The following CAT variants were observed in gnomAD, a reference collection of about 807,000 sequenced individuals.
The protein encoded by CAT is epididymis secretory sperm binding protein.
Under a neutral mutation model 59.0 loss-of-function variants are expected in CAT, and 43 were observed. The observed-to-expected ratio is 0.73, with a 90% CI of 0.57 to 0.94. The LOEUF (loss-of-function observed/expected upper bound fraction) is 0.94, where lower values mean the gene tolerates loss of function less well. CAT is among the 40% of genes least tolerant of loss of function. CAT has a pLI of 0.00. For missense variants in CAT, 664 were observed against 682.9 expected, an observed-to-expected ratio of 0.97 and a Z score of 0.31; for synonymous variants, 218 against 230.9, an observed-to-expected ratio of 0.94 and a Z score of 0.51.
rs1590312178 is a variant in CAT, at chr11:34,471,560, A to T, written c.*127A>T. ...TAGTGGCTTCAAAATAGAGAATCCCACTTTCTATAGCAGATTGTGTAACAA... is the reference window on the plus strand; with the variant it reads ...TAGTGGCTTCAAAATAGAGAATCCCTCTTTCTATAGCAGATTGTGTAACAA... On this transcript the variant is annotated 3_prime_UTR_variant, in exon 13 of 13. Coordinates refer to ENST00000241052, the MANE Select transcript of CAT (RefSeq NM_001752.4). The T allele has an allele frequency of 1.3e-6, 1 of 775,670 alleles. No individual in the cohort carries two copies. The highest frequency in any genetic ancestry group is 2.5e-5 in the East Asian group (1 of 39,544). The allele number at this position is 775,670 out of a possible 1,614,324, so 48.0% of individuals were successfully genotyped here. A position where few individuals can be genotyped will look rare whatever the true frequency, so the allele number is the denominator to read the frequency against.
At chr11:34,441,650 C>T (rs1253788881) in intron 1 of CAT, among the ~76,000 whole-genome samples, 2 of 151,978 alleles carry the variant, frequency 1.3e-5, no homozygotes, top group African/African-American at 4.8e-5. Context: ...AAGAAGTAGC[C>T]AGACATGGTG....
At chr11:34,452,664 G>A (rs917823900) in intron 4 of CAT, among the ~76,000 whole-genome samples, 3 of 151,826 alleles carry the variant, frequency 2.0e-5, no homozygotes, top group Non-Finnish European at 4.4e-5. Context: ...GACCAGCCTG[G>A]GCAACATGGC....
intron 8 of CAT, chr11:34,457,077 TA>T (rs72365439): frequency 0.015 from 6,083 of 409,380 alleles, no homozygotes; most frequent in Middle Eastern, 0.02. Context: ...CTCTCTTAAT[TA>T]AAAAAAAAAG....
In CAT at chr11:34,444,335, A is replaced by C. The variant is rs151070382; in HGVS notation, c.67-4857A>C. Among the ~76,000 whole-genome samples the C allele has an allele frequency of 2.1e-3, 314 of 152,330 alleles. 2 individuals carry two copies. Among genetic ancestry groups the C allele is most frequent in the African/African-American group, 7.0e-3 (289 of 41,562 alleles). On this transcript the variant is annotated intron_variant, in intron 1 of 12. Coordinates refer to ENST00000241052, the MANE Select transcript of CAT (RefSeq NM_001752.4). Reference sequence around the variant, plus strand: ...GGGGCTCTTTCACAAGGAATAATAGATAAACTGGAAATCTTAAAACTGGAG... The same window carrying C: ...GGGGCTCTTTCACAAGGAATAATAGCTAAACTGGAAATCTTAAAACTGGAG...
In CAT at chr11:34,457,204, C is replaced by CTTTTTTT. The variant is rs899442681; in HGVS notation, c.1056+407_1056+413dup. ...GTAAGCCTAACTTTATTTTCTTGTT[C>CTTTTTTT]TTTTTTTTTTTTTTTTTTTTTTTTT... is the stretch of plus-strand genomic sequence containing the variant. On this transcript the variant is annotated intron_variant, in intron 8 of 12. Transcript: ENST00000241052. 2.0e-3 allele frequency among the ~76,000 whole-genome samples: 130 copies of CTTTTTTT among 66,184 alleles called. 3 individuals carry two copies. The highest frequency in any genetic ancestry group is 2.7e-3 in the African/African-American group (45 of 16,638). The allele number at this position is 66,184 out of a possible 152,430, so 43.4% of individuals were successfully genotyped here.
intron 10 of CAT, among the ~76,000 whole-genome samples, chr11:34,467,261 A>G (rs1182969739): frequency 6.6e-6 from 1 of 152,242 alleles, no homozygotes; most frequent in African/African-American, 2.4e-5. Flanking sequence ...CAACAGATAT[A>G]GTGACCCAGT....
chr11:34,444,409 T>C (rs1233893333), intron 1 of CAT, among the ~76,000 whole-genome samples: 1 of 152,210 alleles, frequency 6.6e-6, no homozygotes, highest in African/African-American at 2.4e-5. Context: ...GGAATTGCTT[T>C]AGCTTCCACA....
intron 9 of CAT, 58 bp downstream of exon 9, chr11:34,461,447 G>A (rs1856650797): frequency 1.2e-6 from 2 of 1,601,294 alleles, no homozygotes; most frequent in Admixed American, 1.7e-5. Context: ...GGAGCAGATG[G>A]GCGGGAGGCC....
intron 2 of CAT, 47 bp from the exon 3 acceptor site, chr11:34,450,941 T>G (rs1403517419): frequency 1.6e-6 from 2 of 1,273,666 alleles, no homozygotes; most frequent in Non-Finnish European, 2.3e-6. Flanking sequence ...GACCTGAATG[T>G]CTGAGTAATG....
At chr11:34,447,914 C>G (rs1322554499) in intron 1 of CAT, among the ~76,000 whole-genome samples, 1 of 152,220 alleles carries the variant, frequency 6.6e-6, no homozygotes, top group Admixed American at 6.5e-5. Flanking sequence ...GACCCAGGCT[C>G]TAGTGCTGGC....
intron 4 of CAT, 148 bp downstream of exon 4, chr11:34,452,355 A>G: frequency 1.4e-6 from 1 of 705,694 alleles, no homozygotes; most frequent in Non-Finnish European, 2.4e-6. Context: ...ATTTTTCTGT[A>G]TTTAATAAGA....
At chr11:34,454,330 G>A (rs896766650) in intron 6 of CAT, among the ~76,000 whole-genome samples, 5 of 152,194 alleles carry the variant, frequency 3.3e-5, no homozygotes, top group Non-Finnish European at 7.3e-5. Flanking sequence ...TACATCTGGG[G>A]AGGGTTTTGA....
intron 12 of CAT, 76 bp downstream of exon 12, chr11:34,471,117 G>A (rs1026653645): frequency 8.0e-5 from 99 of 1,242,530 alleles, no homozygotes; most frequent in Middle Eastern, 4.2e-4. Flanking sequence ...TTACCACTTA[G>A]CATTACAGTC....
At chr11:34,444,087 C>G (rs748565694) in intron 1 of CAT, among the ~76,000 whole-genome samples, 5 of 152,108 alleles carry the variant, frequency 3.3e-5, no homozygotes, top group Non-Finnish European at 7.4e-5. Context: ...AAGAGGCTGA[C>G]AAATCAAGTT....
At chr11:34,456,940 T>TG (rs1366323349) in intron 8 of CAT, 123 bp downstream of exon 8, 1 of 1,032,224 alleles carries the variant, frequency 9.7e-7, no homozygotes, top group Non-Finnish European at 1.5e-6. Flanking sequence ...AACTTTAATC[T>TG]GGGTGCTTGG....
At chr11:34,462,079 G>T (rs554923600) in intron 9 of CAT, among the ~76,000 whole-genome samples, 34 of 152,024 alleles carry the variant, frequency 2.2e-4, no homozygotes, top group African/African-American at 7.7e-4. Context: ...AACAGCCTCT[G>T]GTTCTAATTA....
In CAT at chr11:34,453,161, C is replaced by G. The variant is rs1356219109; in HGVS notation, c.552C>G (p.Asp184Glu). 6.2e-7 allele frequency: 1 copy of G among 1,612,914 alleles called. No individual in the cohort carries two copies. Among genetic ancestry groups the G allele is most frequent in the Middle Eastern group, 1.7e-4 (1 of 6,060 alleles). The change falls in exon 5 of 13, where the codon GAC (aspartate) becomes GAG (glutamate). Residue 184 changes from aspartate (D) to glutamate (E), a missense_variant. Physicochemically the swap from Asp to Glu is conservative, Grantham distance 45 (BLOSUM62 2). Coordinates refer to ENST00000241052, the MANE Select transcript of CAT (RefSeq NM_001752.4). ...TGAAGGATCCGGACATGGTCTGGGACTTCTGGAGCCTACGTCCTGAGTCTC... is the reference window on the plus strand; with the variant it reads ...TGAAGGATCCGGACATGGTCTGGGAGTTCTGGAGCCTACGTCCTGAGTCTC... Reference protein sequence around the residue: ...THLKDPDMVWDFWSLRPESLH... With the variant: ...THLKDPDMVWEFWSLRPESLH...
At chr11:34,455,969 G>T in intron 6 of CAT, 42 bp from the exon 7 acceptor site, 1 of 1,563,806 alleles carries the variant, frequency 6.4e-7, no homozygotes, top group South Asian at 1.1e-5. Context: ...TGATAACTTT[G>T]ACAATAAGTT....
chr11:34,456,719 C>T lies in CAT; in HGVS notation c.958C>T (p.Arg320Trp), dbSNP rs751811203. ...LIPVGKLVLNRNPVNYFAEVE... is the reference protein window; with the variant it reads ...LIPVGKLVLNWNPVNYFAEVE... ...CCCAGTTGGTAAACTGGTCTTAAAC[C>T]GGAATCCAGTTAATTACTTTGCTGA... Residue 320 changes from arginine to tryptophan, a missense_variant, in exon 8 of 13, where the codon CGG (arginine) becomes TGG (tryptophan). Physicochemically the swap from Arg to Trp is moderately radical, Grantham distance 101 (BLOSUM62 -3). Transcript: ENST00000241052. 55 of 1,613,796 alleles carry T rather than the reference C, an allele frequency of 3.4e-5. No individual in the cohort carries two copies. Among genetic ancestry groups the T allele is most frequent in the South Asian group, 1.3e-4 (12 of 91,086 alleles).
Sources: allele counts gnomAD v4.1 joint callset (sites outside exome capture counted in the v4.1 genomes callset), GRCh38; gene constraint gnomAD v4.1.1; transcripts MANE v1.5; gene names NCBI Gene and HGNC (gene_info 2026-07-23, HGNC 2026-07-21).